Variants in PAN2 observed in about 807,000 individuals in gnomAD.
PAN2 encodes PAN2-PAN3 deadenylation complex catalytic subunit PAN2.
In PAN2, 68 loss-of-function variants were observed where a neutral mutation model predicts 133.3. That is an observed-to-expected ratio of 0.51 (90% CI 0.42 to 0.62). PAN2 has a LOEUF of 0.62. Ranked by LOEUF, PAN2 falls within the 20% of genes least tolerant of loss-of-function variation. The pLI is 0.00. For missense variants in PAN2, 1,042 were observed against 1,500.5 expected, an observed-to-expected ratio of 0.69 and a Z score of 5.05; for synonymous variants, 462 against 544.6, an observed-to-expected ratio of 0.85 and a Z score of 2.11.
Position 56,328,621 on chromosome 12 carries a change from A to G in PAN2, c.303T>C (p.Phe101=), listed in dbSNP as rs765497352. Residue 101 remains phenylalanine, a synonymous_variant, in exon 3 of 26, where the codon TTT becomes TTC. Transcript: ENST00000440411. ...ATGAGTAGCGCTCCAAGGCTGGGCCAAAAAATGAAGTGGCATGGCCCTATA... is the reference window on the plus strand; with the variant it reads ...ATGAGTAGCGCTCCAAGGCTGGGCCGAAAAATGAAGTGGCATGGCCCTATA... ...GSHGGHATSF[F]GPALERYSSF... 1 of 1,613,964 alleles carries G rather than the reference A, an allele frequency of 6.2e-7. No individual in the cohort carries two copies. Among genetic ancestry groups the G allele is most frequent in the Non-Finnish European group, 8.5e-7 (1 of 1,179,866 alleles).
rs764720454 is a variant in PAN2 at position 56,320,124 on chromosome 12, C to T, written c.2789-103G>A. On this transcript the variant is annotated intron_variant, in intron 20 of 25. Coordinates refer to ENST00000440411, the MANE Select transcript of PAN2 (RefSeq NM_014871.6). ...TCGACTCTGGGTCTTCACTGTGATC[C>T]CTCAATAATCAAAGCACGTGAGAAA... The T allele has an allele frequency of 2.3e-5, 24 of 1,029,194 alleles. No homozygotes were observed. In the African/African-American group the frequency reaches 3.5e-4, roughly 15 times the overall value. The allele number at this position is 1,029,194 out of a possible 1,614,324, so 63.8% of individuals were successfully genotyped here. A position where few individuals can be genotyped will look rare whatever the true frequency, so the allele number is the denominator to read the frequency against.
chr12:56,317,001 A>T lies in PAN2; in HGVS notation c.*608T>A, dbSNP rs193103614. The T allele has an allele frequency of 9.8e-5, 15 of 152,536 alleles. No individual in the cohort carries two copies. Among genetic ancestry groups the T allele is most frequent in the East Asian group, 5.8e-4 (3 of 5,192 alleles). The allele number at this position is 152,536 out of a possible 1,614,324, so 9.4% of individuals were successfully genotyped here. ...AACATGCAGTTTACAACAAATTTTT[A>T]AAAAATGGAACAAAACTTGGGACAG... On this transcript the variant is annotated 3_prime_UTR_variant, in exon 26 of 26. Transcript: ENST00000440411.
At position 56,325,426 on chromosome 12, in the gene PAN2, C is replaced by A. The variant is rs772033162; in HGVS notation, c.1388G>T (p.Ser463Ile). The A allele has an allele frequency of 4.3e-6, 7 of 1,614,072 alleles. No homozygotes were observed. Among genetic ancestry groups the A allele is most frequent in the Middle Eastern group, 3.3e-4 (2 of 6,084 alleles). ...GACCTGGCTGAAGCTGTCAAATTCA[C>A]TGTCTGACTCCTTGAGTCTGTAGGG... ...QIPYRLKESD[S>I]EFDSFSQVTE... is the part of the protein sequence containing the mutation. Residue 463 changes from serine (S) to isoleucine (I), a missense_variant, in exon 9 of 26, where the codon AGT becomes ATT. Transcript: ENST00000440411.
Position 56,323,800 on chromosome 12 carries a change from C to G in PAN2, c.2172+7G>C, listed in dbSNP as rs772149746. 1.3e-6 allele frequency: 2 copies of G among 1,594,162 alleles called. No homozygotes were observed. Among genetic ancestry groups the G allele is most frequent in the Admixed American group, 3.3e-5 (2 of 60,006 alleles). Reference sequence around the variant, plus strand: ...AGGACTCTAGTCCAGTCCAACAGTCCACTCACCGTGGGCTGGTACTTTTCA... The same window carrying G: ...AGGACTCTAGTCCAGTCCAACAGTCGACTCACCGTGGGCTGGTACTTTTCA... On this transcript the variant is annotated splice_region_variant and intron_variant, in intron 14 of 25. Transcript: ENST00000440411.
rs761057435 is a variant in PAN2, at chr12:56,326,610, G to A, written c.1262+7C>T. 2 of 1,608,542 alleles carry A rather than the reference G, an allele frequency of 1.2e-6. No homozygotes were observed. Among genetic ancestry groups the A allele is most frequent in the East Asian group, 4.5e-5 (2 of 44,724 alleles). ...TCCCGCCTTTTGGCCCAGAGGTAGG[G>A]TACAACCTGGGAGCTGGAGCAGAGT... is the stretch of plus-strand genomic sequence containing the variant. On this transcript the variant is annotated splice_region_variant and intron_variant, in intron 7 of 25. Transcript: ENST00000440411.
intron 17 of PAN2, 24 bp downstream of exon 17, chr12:56,323,033 CCCTTT>C: frequency 6.2e-7 from 1 of 1,612,670 alleles, no homozygotes; most frequent in Non-Finnish European, 8.5e-7. Context: ...CTCCCTTATT[CCCTTT>C]CCTCTTCCCG....
Position 56,327,614 on chromosome 12 carries a change from G to A in PAN2, c.669C>T (p.Leu223=). ...ACTCATGTTCCACCTTAAAAGTACG[G>A]AGGTCTCTCAGGGAAACCTAGAAAA... ...HTSGKVSLRD[L]RTFKVEHEFD... is the part of the protein sequence containing the mutation. Residue 223 remains leucine, a synonymous_variant, in exon 6 of 26, where the codon CTC becomes CTT. Coordinates refer to ENST00000440411, the MANE Select transcript of PAN2 (RefSeq NM_014871.6). 6.2e-7 allele frequency: 1 copy of A among 1,613,472 alleles called. No individual in the cohort carries two copies. The highest frequency in any genetic ancestry group is 8.5e-7 in the Non-Finnish European group (1 of 1,179,588).
Position 56,317,616 on chromosome 12 carries a change from G to A in PAN2, c.3590C>T (p.Ala1197Val), listed in dbSNP as rs1330054285. The change falls in exon 26 of 26, where the codon GCG becomes GTG. Residue 1197 changes from alanine (A) to valine (V), a missense_variant. Physicochemically the swap from Ala to Val is moderately conservative, Grantham distance 64. Transcript: ENST00000440411. Reference sequence around the variant, plus strand: ...GTTCTTTGGGAAGGGTAGTCAGAGCGCCAGCACTGAGGAGAAGACAGCTGC... The same window carrying A: ...GTTCTTTGGGAAGGGTAGTCAGAGCACCAGCACTGAGGAGAAGACAGCTGC... ...KNAAVFSSVLAL is the reference protein window; with the variant it reads ...KNAAVFSSVLVL 5 of 1,612,990 alleles carry A rather than the reference G, an allele frequency of 3.1e-6. No homozygotes were observed. The highest frequency in any genetic ancestry group is 4.2e-6 in the Non-Finnish European group (5 of 1,179,056).
At chr12:56,318,950 TTC>T in intron 24 of PAN2, 136 bp downstream of exon 24, 2 of 737,902 alleles carry the variant, frequency 2.7e-6, no homozygotes, top group Non-Finnish European at 4.6e-6. Flanking sequence ...GTATTTGATT[TTC>T]TGTTTCTGAG....
At chr12:56,327,041 G>C (rs1875196421) in intron 6 of PAN2, 82 bp from the exon 7 acceptor site, 5 of 1,203,944 alleles carry the variant, frequency 4.2e-6, no homozygotes, top group African/African-American at 3.0e-5. Context: ...CTCTTCCCCT[G>C]ATTTCAGGAC....
chr12:56,326,507 T>C, intron 7 of PAN2, 98 bp from the exon 8 acceptor site: 1 of 1,505,858 alleles, frequency 6.6e-7, no homozygotes, highest in Admixed American at 2.2e-5. Flanking sequence ...ATACTGAAGG[T>C]AGACAAAAAT....
chr12:56,318,277 G>C lies in PAN2; in HGVS notation c.3522C>G (p.Asp1174Glu), dbSNP rs139327769. The C allele has an allele frequency of 3.7e-6, 6 of 1,614,140 alleles. No homozygotes were observed. The highest frequency in any genetic ancestry group is 4.2e-6 in the Non-Finnish European group (5 of 1,180,024). Residue 1174 changes from aspartate to glutamate, a missense_variant, in exon 25 of 26, where the codon GAC becomes GAG. By Grantham distance (45) the Asp-to-Glu change is conservative (BLOSUM62 2). This residue lies in a region of PAN2 where 85 missense variants were observed against 116.5 expected (regional missense o/e 0.73). Coordinates refer to ENST00000440411, the MANE Select transcript of PAN2 (RefSeq NM_014871.6). ...KGLYEKGRKM[D>E]WKVPEPEGQT... The stretch of plus-strand genomic sequence containing the variant: ...GGCCCTCAGGCTCAGGCACCTTCCA[G>C]TCCATCTTTCTGCCCTTCTCATAAA...
chr12:56,326,534 TAAC>T lies in PAN2; in HGVS notation c.1262+80_1262+82del. The T allele has an allele frequency of 2.7e-6, 4 of 1,508,768 alleles. No individual in the cohort carries two copies. The Admixed American group carries it at 8.7e-5, about 33-fold the overall frequency. The allele number at this position is 1,508,768 out of a possible 1,614,324, so 93.5% of individuals were successfully genotyped here. On this transcript the variant is annotated intron_variant, in intron 7 of 25. Coordinates refer to ENST00000440411, the MANE Select transcript of PAN2 (RefSeq NM_014871.6). ...GACAAAAATCAGGAAAGTAGTAGAA[TAAC>T]AACAGGGCTAGCAGAGAATTCTGGT...
intron 2 of PAN2, among the ~76,000 whole-genome samples, chr12:56,331,819 T>C (rs1242783836): frequency 6.6e-6 from 1 of 151,984 alleles, no homozygotes; most frequent in Non-Finnish European, 1.5e-5. Flanking sequence ...GTTCAAGCGA[T>C]TCTCCTGCCT....
In PAN2 at chr12:56,317,491, C is replaced by T; in HGVS notation, c.*118G>A. The T allele has an allele frequency of 1.2e-6, 1 of 802,878 alleles. No individual in the cohort carries two copies. The highest frequency in any genetic ancestry group is 1.7e-5 in the African/African-American group (1 of 59,584). The allele number at this position is 802,878 out of a possible 1,614,324, so 49.7% of individuals were successfully genotyped here. On this transcript the variant is annotated 3_prime_UTR_variant, in exon 26 of 26. Coordinates refer to ENST00000440411, the MANE Select transcript of PAN2 (RefSeq NM_014871.6). ...TAATAGCACCATCTGTGACCCTAGA[C>T]CCTGAGCACGTCCAGTACTGGAAGT...
In PAN2 at chr12:56,323,149, G is replaced by A; in HGVS notation, c.2406C>T (p.Asn802=). 2.5e-6 allele frequency: 4 copies of A among 1,614,120 alleles called. No individual in the cohort carries two copies. Among genetic ancestry groups the A allele is most frequent in the East Asian group, 4.5e-5 (2 of 44,888 alleles). The change falls in exon 17 of 26, where the codon AAC becomes AAT. Residue 802 remains asparagine, a synonymous_variant. Transcript: ENST00000440411. The part of the protein sequence containing the change: ...LVCPSIEELK[N]VWLPFSIRMK... ...TGCGAATGGAGAAAGGAAGCCAGAC[G>A]TTCTTCAACTCCTCAATGGAGGGAC...
chr12:56,317,728 G>A, intron 25 of PAN2, 85 bp from the exon 26 acceptor site: 5 of 1,154,142 alleles, frequency 4.3e-6, no homozygotes, highest in Admixed American at 1.9e-5. Flanking sequence ...AAAAATGCAA[G>A]AGAAAAAAGG....
At chr12:56,320,158 T>C (rs1874323617) in intron 20 of PAN2, 137 bp from the exon 21 acceptor site, 1 of 758,984 alleles carries the variant, frequency 1.3e-6, no homozygotes, top group African/African-American at 1.7e-5. Context: ...AAAAAGATCA[T>C]GTCTGATAAA....
At position 56,328,022 on chromosome 12, in the gene PAN2, G is replaced by A; in HGVS notation, c.624C>T (p.Phe208=). The stretch of plus-strand genomic sequence containing the variant: ...TGCCAGACGTGTGGCCGCAGAAGAA[G>A]AAGCGATTTGTCTGTCTCATGATGG... ...GVTIMRQTNR[F]FFCGHTSGKV... is the part of the protein sequence containing the mutation. Residue 208 remains phenylalanine (F), a synonymous_variant, in exon 5 of 26, where the codon TTC becomes TTT. Transcript: ENST00000440411. 1.9e-6 allele frequency: 3 copies of A among 1,613,918 alleles called. No homozygotes were observed. The highest frequency in any genetic ancestry group is 2.5e-6 in the Non-Finnish European group (3 of 1,179,900).
Sources: gnomAD v4.1 joint callset for allele counts (sites outside exome capture counted in the v4.1 genomes callset) on GRCh38, gnomAD v4.1.1 for gene constraint, gnomAD v4.1.1 regional missense constraint, MANE v1.5 for transcripts, NCBI Gene and HGNC (gene_info 2026-07-23, HGNC 2026-07-21) for gene names.